Variants in EXOC2 observed in about 807,000 individuals in gnomAD.
EXOC2 encodes SEC5-like 1.
A neutral mutation model predicts 131.8 loss-of-function variants in EXOC2; 70 were observed. That is an observed-to-expected ratio of 0.53 (90% confidence interval 0.44 to 0.65). The LOEUF is 0.65. Ranked by LOEUF, EXOC2 falls within the 30% of genes least tolerant of loss-of-function variation. The probability of loss-of-function intolerance (pLI) is 0.00; values close to 1 mark genes in which losing one functional copy is unlikely to be tolerated. For synonymous variants in EXOC2, 411 were observed against 398.4 expected (o/e 1.03, Z -0.38); for missense variants, 923 against 1,108.6 (o/e 0.83, Z 2.38).
At chr6:674,382 G>T (rs1764015133) in intron 1 of EXOC2, among the ~76,000 whole-genome samples, 1 of 152,008 alleles carries the variant, frequency 6.6e-6, no homozygotes, top group Non-Finnish European at 1.5e-5. Flanking sequence ...GCTAGCATTT[G>T]GATCATGTTT....
rs1200789407 is a variant in EXOC2, at chr6:506,211, T to C, written c.2381-6511A>G. On this transcript the variant is annotated intron_variant, in intron 23 of 27. Transcript: ENST00000230449. The surrounding 1 kb of genome is among the most constrained non-coding windows in gnomAD (Gnocchi z 4.4). ...AATATGCTTTATTTTTCCAGCAATA[T>C]ACTGAAATAATGTCATTAGGTATTT... is the stretch of plus-strand genomic sequence containing the variant. 1.3e-5 allele frequency among the ~76,000 whole-genome samples: 2 copies of C among 152,250 alleles called. No individual in the cohort carries two copies. The highest frequency in any genetic ancestry group is 1.9e-4 in the East Asian group (1 of 5,202).
intron 22 of EXOC2, among the ~76,000 whole-genome samples, chr6:538,931 C>G (rs1212344320): frequency 1.3e-5 from 2 of 152,028 alleles, no homozygotes; most frequent in Admixed American, 6.5e-5. Flanking sequence ...AATTAGCCGG[C>G]TGTGGTGACA....
chr6:511,249 C>T (rs1052775755), intron 23 of EXOC2, among the ~76,000 whole-genome samples: 2 of 152,164 alleles, frequency 1.3e-5, no homozygotes, highest in Non-Finnish European at 2.9e-5. Flanking sequence ...CAGTCATTAC[C>T]GTGGAGCACG....
At chr6:540,155 A>G (rs1030686621) in intron 22 of EXOC2, among the ~76,000 whole-genome samples, 1 of 152,168 alleles carries the variant, frequency 6.6e-6, no homozygotes, top group Non-Finnish European at 1.5e-5. Flanking sequence ...GGGTTTCACC[A>G]TGTTGGCCAG....
At chr6:560,382 C>T (rs539161844) in intron 17 of EXOC2, among the ~76,000 whole-genome samples, 27 of 152,180 alleles carry the variant, frequency 1.8e-4, no homozygotes, top group Admixed American at 1.2e-3. Flanking sequence ...CAGTGCTGTC[C>T]GATAGGTGTA....
chr6:656,586 G>A (rs1264773686), intron 1 of EXOC2: 16 of 1,593,562 alleles, frequency 1.0e-5, no homozygotes, highest in South Asian at 2.3e-5. Context: ...GCCCAGGGAC[G>A]AGACCAGCTC....
intron 11 of EXOC2, among the ~76,000 whole-genome samples, chr6:585,544 C>T (rs1399510000): frequency 6.6e-6 from 1 of 152,168 alleles, no homozygotes; most frequent in Non-Finnish European, 1.5e-5. Flanking sequence ...GGAGCTTTCT[C>T]GGAAAAAGGT....
intron 15 of EXOC2, 145 bp downstream of exon 15, chr6:564,400 G>A (rs1757858516): frequency 4.9e-6 from 6 of 1,227,336 alleles, no homozygotes; most frequent in Admixed American, 2.2e-5. Context: ...GAGCTTAGCT[G>A]TCAGATGATG....
At chr6:604,420 T>C (rs538220528) in intron 7 of EXOC2, among the ~76,000 whole-genome samples, 1 of 152,298 alleles carries the variant, frequency 6.6e-6, no homozygotes, top group African/African-American at 2.4e-5. Flanking sequence ...TGGCTTAACA[T>C]GCCTACCGTC....
chr6:525,688 A>C (rs1209611025), intron 23 of EXOC2: 3 of 152,202 alleles, frequency 2.0e-5, no homozygotes, highest in Admixed American at 6.5e-5. Context: ...TATTTTTAAA[A>C]ACAAAATTTT....
rs185040459 is a variant in EXOC2, at chr6:485,587, G to A, written c.*1084C>T. 172 of 152,378 alleles carry A rather than the reference G, an allele frequency of 1.1e-3. 1 individual carries two copies. Among genetic ancestry groups the A allele is most frequent in the African/African-American group, 2.4e-3 (98 of 41,582 alleles). 9.4% of individuals were successfully genotyped at this position (152,378 alleles called of 1,614,324 possible). A position where few individuals can be genotyped will look rare whatever the true frequency, so the allele number is the denominator to read the frequency against. On this transcript the variant is annotated 3_prime_UTR_variant, in exon 28 of 28. Transcript: ENST00000230449. ...ACGGTATGAGGGAGTTGGGTGGGCC[G>A]CTGACTCTGAGAGAAGTCCCGGTGA...
At chr6:621,851 T>C (rs1425478350) in intron 4 of EXOC2, among the ~76,000 whole-genome samples, 1 of 152,214 alleles carries the variant, frequency 6.6e-6, no homozygotes, top group Non-Finnish European at 1.5e-5. Context: ...GTTCTCATAC[T>C]TTACTTAGTA....
Position 677,097 on chromosome 6 carries a change from AGCTTTCTCTGGAGACTGC to A in EXOC2, c.-44+15904_-44+15921del, listed in dbSNP as rs1353846529. On this transcript the variant is annotated intron_variant, in intron 1 of 27. Coordinates refer to ENST00000230449, the MANE Select transcript of EXOC2 (RefSeq NM_018303.6). ...TACTCTTCAACATTACGGAAAGGAC[AGCTTTCTCTGGAGACTGC>A]GGTTTCCCATACTCTTCAACATTAC... Among the ~76,000 whole-genome samples, 7 of 58,560 alleles carry A rather than the reference AGCTTTCTCTGGAGACTGC, an allele frequency of 1.2e-4. 1 individual carries two copies. The highest frequency in any genetic ancestry group is 2.4e-4 in the Admixed American group (1 of 4,128). The allele number at this position is 58,560 out of a possible 152,430, so 38.4% of individuals were successfully genotyped here.
chr6:564,276 CAG>C (rs772082030), intron 15 of EXOC2, 122 bp from the exon 16 acceptor site: 6 of 1,404,908 alleles, frequency 4.3e-6, no homozygotes, highest in Non-Finnish European at 5.7e-6. Flanking sequence ...AGGCTGAAAA[CAG>C]AAACAGACCA....
chr6:633,868 C>G (rs1409953602), intron 2 of EXOC2, among the ~76,000 whole-genome samples: 1 of 152,084 alleles, frequency 6.6e-6, no homozygotes, highest in Non-Finnish European at 1.5e-5. Context: ...AGGTAATAAC[C>G]AAACAGAGAG....
intron 13 of EXOC2, among the ~76,000 whole-genome samples, chr6:570,908 C>A (rs902678293): frequency 2.0e-5 from 3 of 152,162 alleles, no homozygotes; most frequent in Admixed American, 2.0e-4. Context: ...GAAGCTGGTG[C>A]CTGCGGTGCC....
intron 3 of EXOC2, among the ~76,000 whole-genome samples, chr6:632,128 C>A (rs1011754851): frequency 6.6e-6 from 1 of 152,128 alleles, no homozygotes; most frequent in African/African-American, 2.4e-5. Flanking sequence ...GGGAAAGAGA[C>A]ATGCACAGAA....
At chr6:500,290 T>C (rs1403027281) in intron 23 of EXOC2, among the ~76,000 whole-genome samples, 1 of 152,230 alleles carries the variant, frequency 6.6e-6, no homozygotes, top group Non-Finnish European at 1.5e-5. Context: ...AAACTGAATT[T>C]GATTCTGTAA....
At chr6:534,810 A>C (rs915390780) in intron 22 of EXOC2, among the ~76,000 whole-genome samples, 3 of 152,202 alleles carry the variant, frequency 2.0e-5, no homozygotes, top group Admixed American at 6.5e-5. Context: ...GCCCTTCTTT[A>C]TCTCTCTCTT....
Sources: gnomAD v4.1 joint callset for allele counts (sites outside exome capture counted in the v4.1 genomes callset) on GRCh38, gnomAD v4.1.1 for gene constraint, Gnocchi (gnomAD v3.1) non-coding constraint, MANE v1.5 for transcripts, NCBI Gene and HGNC (gene_info 2026-07-23, HGNC 2026-07-21) for gene names.